ZXDC: variants seen among roughly 807,000 people sequenced by gnomAD.
The protein encoded by ZXDC is zinc finger protein ZXDC.
In ZXDC, 58 loss-of-function variants were observed where a neutral mutation model predicts 63.6. The observed-to-expected ratio is 0.91, with a 90% CI of 0.74 to 1.13. The LOEUF (loss-of-function observed/expected upper bound fraction) is 1.13, where lower values mean the gene tolerates loss of function less well. Ranked by LOEUF, ZXDC falls within the 50% of genes most tolerant of loss-of-function variation. The pLI is 0.00. For missense variants in ZXDC, 1,133 were observed against 1,148.9 expected (o/e 0.99, Z 0.20); for synonymous variants, 561 against 496.1 (o/e 1.13, Z -1.74).
rs1576667602 is a variant in ZXDC, at chr3:126,449,641, A to C, written c.2213-7695T>G. On this transcript the variant is annotated intron_variant, in intron 7 of 9. Coordinates refer to ENST00000389709, the MANE Select transcript of ZXDC (RefSeq NM_025112.5). ...CAAAGTCAATTCCATTTCTTTGTTA[A>C]ATAGAAGTTTCCTCCTCCCAAAGGC... is the stretch of plus-strand genomic sequence containing the variant. Among the ~76,000 whole-genome samples, 4 of 152,312 alleles carry C rather than the reference A, an allele frequency of 2.6e-5. No homozygotes were observed. The South Asian group carries it at 8.3e-4, about 32-fold the overall frequency.
chr3:126,438,354 C>A lies in ZXDC; in HGVS notation c.*21G>T. Reference sequence around the variant, plus strand: ...TGTGTCCTAGACCGTGGCCTTGGGCCTGCCCAGGCCGAGGCTGCCGTCACT... The same window carrying A: ...TGTGTCCTAGACCGTGGCCTTGGGCATGCCCAGGCCGAGGCTGCCGTCACT... On this transcript the variant is annotated 3_prime_UTR_variant, in exon 10 of 10. Transcript: ENST00000389709. 3 of 1,601,958 alleles carry A rather than the reference C, an allele frequency of 1.9e-6. No individual in the cohort carries two copies. The highest frequency in any genetic ancestry group is 1.7e-6 in the Non-Finnish European group (2 of 1,173,276).
chr3:126,461,796 G>A lies in ZXDC; in HGVS notation c.1866C>T (p.Asp622=), dbSNP rs534741913. 38 of 1,614,068 alleles carry A rather than the reference G, an allele frequency of 2.4e-5. No individual in the cohort carries two copies. The Admixed American group carries it at 2.5e-4, about 11-fold the overall frequency. ...LVALPMKNLS[D]DPLALTSNSN... Reference sequence around the variant, plus strand: ...TATTGGAGGTCAAAGCCAGTGGGTCGTCACTCAAGTTCTTCATGGGCAGAG... The same window carrying A: ...TATTGGAGGTCAAAGCCAGTGGGTCATCACTCAAGTTCTTCATGGGCAGAG... The change falls in exon 6 of 10, where the codon GAC becomes GAT. Residue 622 remains aspartate, a synonymous_variant. Coordinates refer to ENST00000389709, the MANE Select transcript of ZXDC (RefSeq NM_025112.5).
Position 126,462,147 on chromosome 3 carries a change from C to T in ZXDC, c.1515G>A (p.Glu505=). The T allele has an allele frequency of 1.9e-6, 3 of 1,612,918 alleles. No individual in the cohort carries two copies. Among genetic ancestry groups the T allele is most frequent in the Non-Finnish European group, 2.5e-6 (3 of 1,180,024 alleles). The stretch of plus-strand genomic sequence containing the variant: ...GTGCAGCAAGATCCATGTTAGTGAG[C>T]TCACTTTGGCCTGGGCTGCTGAGTT... ...SSELSSPGQS[E]LTNMDLAALF... The change falls in exon 6 of 10, where the codon GAG becomes GAA. Residue 505 remains glutamate (E), a synonymous_variant. Coordinates refer to ENST00000389709, the MANE Select transcript of ZXDC (RefSeq NM_025112.5).
chr3:126,462,042 A>T lies in ZXDC; in HGVS notation c.1620T>A (p.Ile540=). ...GAGAGGAGCTCACAGAAGTGACGTCAATAGTCAGGATTCCGGAGTTCAGAG... is the reference window on the plus strand; with the variant it reads ...GAGAGGAGCTCACAGAAGTGACGTCTATAGTCAGGATTCCGGAGTTCAGAG... The part of the protein sequence containing the change: ...DEALNSGILT[I]DVTSVSSSLG... Residue 540 remains isoleucine, a synonymous_variant, in exon 6 of 10, where the codon ATT becomes ATA. Coordinates refer to ENST00000389709, the MANE Select transcript of ZXDC (RefSeq NM_025112.5). The T allele has an allele frequency of 1.9e-6, 3 of 1,614,124 alleles. 1 individual carries two copies. The South Asian group carries it at 3.3e-5, about 18-fold the overall frequency.
chr3:126,451,822 G>C, intron 7 of ZXDC: 1 of 985,392 alleles, frequency 1.0e-6, no homozygotes, highest in Non-Finnish European at 1.2e-6. Flanking sequence ...TCTGGGAAAT[G>C]ATTTAACCTT....
At chr3:126,455,665 T>C (rs1467356866) in intron 7 of ZXDC, among the ~76,000 whole-genome samples, 1 of 152,154 alleles carries the variant, frequency 6.6e-6, no homozygotes, top group Non-Finnish European at 1.5e-5. Context: ...ATGGTGATAA[T>C]ATTGATCATA....
chr3:126,461,967 G>A lies in ZXDC; in HGVS notation c.1695C>T (p.Pro565=). The A allele has an allele frequency of 1.2e-6, 2 of 1,614,092 alleles. No individual in the cohort carries two copies. The highest frequency in any genetic ancestry group is 1.7e-6 in the Non-Finnish European group (2 of 1,180,018). ...TATCACTGTGGGCCACCAGGACCAG[G>A]GGTTCCATCGGCCCTAGGGAGCTAT... ...ANNSSLGPME[P]LVLVAHSDIP... is the part of the protein sequence containing the mutation. The change falls in exon 6 of 10, where the codon CCC becomes CCT. Residue 565 remains proline (P), a synonymous_variant. Coordinates refer to ENST00000389709, the MANE Select transcript of ZXDC (RefSeq NM_025112.5).
At position 126,469,677 on chromosome 3, in the gene ZXDC, C is replaced by T. The variant is rs1011344382; in HGVS notation, c.1270+1218G>A. 9.9e-5 allele frequency among the ~76,000 whole-genome samples: 15 copies of T among 152,262 alleles called. 1 individual carries two copies. Among genetic ancestry groups the T allele is most frequent in the Admixed American group, 4.6e-4 (7 of 15,296 alleles). ...CCTGAGAGGCTCTCCCAGGCCACTCCGCCTCCAACACCCACACGCACGTGT... is the reference window on the plus strand; with the variant it reads ...CCTGAGAGGCTCTCCCAGGCCACTCTGCCTCCAACACCCACACGCACGTGT... On this transcript the variant is annotated intron_variant, in intron 4 of 9. Coordinates refer to ENST00000389709, the MANE Select transcript of ZXDC (RefSeq NM_025112.5).
At chr3:126,451,250 T>G (rs1326737652) in intron 7 of ZXDC, 4 of 985,338 alleles carry the variant, frequency 4.1e-6, no homozygotes, top group Non-Finnish European at 4.8e-6. Flanking sequence ...CATGCATATG[T>G]GTACTACTGC....
chr3:126,441,907 T>C lies in ZXDC; in HGVS notation c.2252A>G (p.Lys751Arg). 6.2e-7 allele frequency: 1 copy of C among 1,611,790 alleles called. No individual in the cohort carries two copies. Among genetic ancestry groups the C allele is most frequent in the Non-Finnish European group, 8.5e-7 (1 of 1,179,128 alleles). ...QSTQRKIKEG[K>R]MSPPHFHASQ... is the part of the protein sequence containing the mutation. ...TGCATGGAAATGGGGAGGACTCATTTTGCCTTCTTTTATTTTTCTCTGAGT... is the reference window on the plus strand; with the variant it reads ...TGCATGGAAATGGGGAGGACTCATTCTGCCTTCTTTTATTTTTCTCTGAGT... The change falls in exon 8 of 10, where the codon AAA becomes AGA. Residue 751 changes from lysine (K) to arginine (R), a missense_variant. Lys to Arg is a conservative substitution (Grantham distance 26). Transcript: ENST00000389709.
intron 3 of ZXDC, 58 bp downstream of exon 3, chr3:126,471,915 C>T (rs1934995361): frequency 7.1e-7 from 1 of 1,405,162 alleles, no homozygotes; most frequent in African/African-American, 1.4e-5. Flanking sequence ...TTGGTTTCTG[C>T]TGCTGACAAA....
At chr3:126,441,975 C>G in intron 7 of ZXDC, 29 bp from the exon 8 acceptor site, 1 of 1,563,164 alleles carries the variant, frequency 6.4e-7, no homozygotes, top group Non-Finnish European at 8.7e-7. Context: ...ACGAGCACAC[C>G]CAATCTACAA....
Position 126,453,780 on chromosome 3 carries a change from T to C in ZXDC, c.2212+5873A>G, listed in dbSNP as rs546054244. 4.1e-6 allele frequency: 4 copies of C among 977,270 alleles called. No individual in the cohort carries two copies. The East Asian group carries it at 4.6e-4, about 111-fold the overall frequency. 60.5% of individuals were successfully genotyped at this position (977,270 alleles called of 1,614,324 possible). ...TGCGATCTTGGCTCACTGCAACCTC[T>C]GCCTCCCGGGTTCAAGCGATTCTCC... On this transcript the variant is annotated intron_variant, in intron 7 of 9. Coordinates refer to ENST00000389709, the MANE Select transcript of ZXDC (RefSeq NM_025112.5).
In ZXDC at chr3:126,475,015, C is replaced by T; in HGVS notation, c.851G>A (p.Ser284Asn). ...AERFPTHAKL[S>N]SHQRSHFEPE... ...CTCGAAGTGGCTGCGCTGGTGGGAG[C>T]TGAGCTTGGCGTGCGTGGGGAAGCG... Residue 284 changes from serine to asparagine, a missense_variant, in exon 1 of 10, where the codon AGC becomes AAC. Physicochemically the swap from Ser to Asn is conservative, Grantham distance 46. Transcript: ENST00000389709. 6.3e-7 allele frequency: 1 copy of T among 1,596,998 alleles called. No individual in the cohort carries two copies. Among genetic ancestry groups the T allele is most frequent in the Non-Finnish European group, 8.5e-7 (1 of 1,172,522 alleles).
At chr3:126,444,821 C>A (rs904328857) in intron 7 of ZXDC, among the ~76,000 whole-genome samples, 1 of 152,166 alleles carries the variant, frequency 6.6e-6, no homozygotes, top group Non-Finnish European at 1.5e-5. Flanking sequence ...CCATTCGAAT[C>A]ATGGGAAAAT....
chr3:126,458,218 AT>A (rs532263417), intron 7 of ZXDC, among the ~76,000 whole-genome samples: 67 of 145,810 alleles, frequency 4.6e-4, no homozygotes, highest in South Asian at 1.1e-3. Flanking sequence ...GATGGCTATA[AT>A]TTTTTTTAAT....
intron 3 of ZXDC, among the ~76,000 whole-genome samples, chr3:126,471,253 C>T (rs1934968687): frequency 6.6e-6 from 1 of 152,192 alleles, no homozygotes; most frequent in African/African-American, 2.4e-5. Context: ...ACACATCAAA[C>T]AATTAATGCT....
At chr3:126,439,043 C>T (rs1933570636) in intron 9 of ZXDC, among the ~76,000 whole-genome samples, 1 of 152,222 alleles carries the variant, frequency 6.6e-6, no homozygotes, top group Admixed American at 6.5e-5. Context: ...TCCAGCTCAC[C>T]CCTCTGCAGC....
At chr3:126,468,594 C>T (rs1183688942) in intron 4 of ZXDC, among the ~76,000 whole-genome samples, 1 of 152,186 alleles carries the variant, frequency 6.6e-6, no homozygotes, top group East Asian at 1.9e-4. Flanking sequence ...AAACAAATGC[C>T]CTATCCTCCA....
Sources: allele counts gnomAD v4.1 joint callset (sites outside exome capture counted in the v4.1 genomes callset), GRCh38; gene constraint gnomAD v4.1.1; transcripts MANE v1.5; gene names NCBI Gene and HGNC (gene_info 2026-07-23, HGNC 2026-07-21).